SMYD3: variants seen among roughly 807,000 people sequenced by gnomAD.
The protein encoded by SMYD3 is histone-lysine N-methyltransferase SMYD3.
Under a neutral mutation model 57.7 loss-of-function variants are expected in SMYD3, and 36 were observed. That is an observed-to-expected ratio of 0.62 (90% CI 0.48 to 0.82). SMYD3 has a LOEUF of 0.82. Among genes scored for constraint, SMYD3 ranks in the 40% least tolerant of loss-of-function variants. The pLI is 0.00. For missense variants in SMYD3, 515 were observed against 538.8 expected (o/e 0.96, Z 0.44); for synonymous variants, 211 against 195.0 (o/e 1.08, Z -0.68).
chr1:246,106,582 A>G (rs2061126398), intron 5 of SMYD3, among the ~76,000 whole-genome samples: 1 of 152,212 alleles, frequency 6.6e-6, no homozygotes, highest in Admixed American at 6.5e-5. Context: ...ACTTTCTGAA[A>G]TGAGAAGTCC....
At chr1:246,179,654 C>T (rs2062500511) in intron 5 of SMYD3, among the ~76,000 whole-genome samples, 1 of 152,204 alleles carries the variant, frequency 6.6e-6, no homozygotes, top group South Asian at 2.1e-4. Flanking sequence ...AGTGAGGCCA[C>T]TTCTCCTAGA....
intron 1 of SMYD3, among the ~76,000 whole-genome samples, chr1:246,452,256 A>G (rs1463102951): frequency 6.6e-6 from 1 of 152,196 alleles, no homozygotes; most frequent in Admixed American, 6.5e-5. Flanking sequence ...CTGTAATTCT[A>G]GCACTTTGGG....
intron 5 of SMYD3, among the ~76,000 whole-genome samples, chr1:246,074,969 G>A (rs1398170029): frequency 6.7e-6 from 1 of 150,342 alleles, no homozygotes; most frequent in Admixed American, 6.6e-5. Context: ...GAATATAAGA[G>A]AATCCAGAAA....
intron 5 of SMYD3, among the ~76,000 whole-genome samples, chr1:246,304,525 G>GA (rs915904169): frequency 2.0e-5 from 3 of 151,648 alleles, no homozygotes; most frequent in Non-Finnish European, 2.9e-5. Context: ...ACATAAGCAG[G>GA]AAAAAAAATA....
At chr1:246,430,608 A>C (rs2067282473) in intron 1 of SMYD3, among the ~76,000 whole-genome samples, 1 of 152,202 alleles carries the variant, frequency 6.6e-6, no homozygotes, top group South Asian at 2.1e-4. Flanking sequence ...CACTGGGCTT[A>C]CGGGGCTTGT....
intron 5 of SMYD3, among the ~76,000 whole-genome samples, chr1:246,152,162 G>A (rs1342427661): frequency 6.6e-6 from 1 of 152,182 alleles, no homozygotes; most frequent in Non-Finnish European, 1.5e-5. Context: ...AAAGTGCCTG[G>A]GTGACAAAAT....
chr1:245,909,774 G>GA (rs976163325), intron 8 of SMYD3, among the ~76,000 whole-genome samples: 1 of 151,786 alleles, frequency 6.6e-6, no homozygotes, highest in Admixed American at 6.6e-5. Flanking sequence ...CCTTCATGAT[G>GA]AAAAAAATCT....
At chr1:245,907,652 T>A (rs1383934093) in intron 8 of SMYD3, among the ~76,000 whole-genome samples, 3 of 152,120 alleles carry the variant, frequency 2.0e-5, no homozygotes, top group Non-Finnish European at 4.4e-5. Flanking sequence ...GAACAAAGGA[T>A]TTACAAAACA....
At chr1:246,219,481 C>G (rs1477336836) in intron 5 of SMYD3, among the ~76,000 whole-genome samples, 2 of 152,152 alleles carry the variant, frequency 1.3e-5, no homozygotes, top group Non-Finnish European at 2.9e-5. Flanking sequence ...GGCAATAAAA[C>G]TCCCTGCATT....
At chr1:246,273,575 CTTTTTTT>C (rs75025399) in intron 5 of SMYD3, among the ~76,000 whole-genome samples, 6 of 84,386 alleles carry the variant, frequency 7.1e-5, no homozygotes, top group Non-Finnish European at 1.1e-4. Context: ...TTTCACTAAT[CTTTTTTT>C]TTTTTTTTTT....
At chr1:246,129,581 A>G (rs1002025806) in intron 5 of SMYD3, among the ~76,000 whole-genome samples, 2 of 152,214 alleles carry the variant, frequency 1.3e-5, no homozygotes, top group Non-Finnish European at 2.9e-5. Context: ...TATTCAAAGT[A>G]GCCCAAAGGG....
At chr1:246,099,709 C>T (rs2060976353) in intron 5 of SMYD3, among the ~76,000 whole-genome samples, 1 of 152,160 alleles carries the variant, frequency 6.6e-6, no homozygotes, top group African/African-American at 2.4e-5. Flanking sequence ...ATAAGATCTT[C>T]AGACTGAAGC....
chr1:246,202,653 G>T lies in SMYD3; in HGVS notation c.531+124548C>A, dbSNP rs561921002. Among the ~76,000 whole-genome samples the T allele has an allele frequency of 2.6e-5, 4 of 152,296 alleles. No individual in the cohort carries two copies. The South Asian group carries it at 8.3e-4, about 32-fold the overall frequency. On this transcript the variant is annotated intron_variant, in intron 5 of 11. Coordinates refer to ENST00000490107, the MANE Select transcript of SMYD3 (RefSeq NM_001167740.2). The surrounding 1 kb of genome is among the most constrained non-coding windows in gnomAD (Gnocchi z 4.1). Reference sequence around the variant, plus strand: ...TTCCTCCTTGAAAACAACAGTTCTTGACAACAAGGACTTCCTGGTATCACG... The same window carrying T: ...TTCCTCCTTGAAAACAACAGTTCTTTACAACAAGGACTTCCTGGTATCACG...
chr1:246,404,929 A>G (rs575409802), intron 1 of SMYD3, among the ~76,000 whole-genome samples: 3 of 152,248 alleles, frequency 2.0e-5, no homozygotes, highest in East Asian at 1.9e-4. Context: ...TTGACTCATA[A>G]TAATTGTAAA....
chr1:246,108,555 T>C (rs34489362), intron 5 of SMYD3: 24,772 of 152,146 alleles, frequency 0.16, 3,608 homozygotes, highest in African/African-American at 0.39. Context: ...GCCTGCTTCC[T>C]AAAACTTGCC....
At chr1:245,902,325 C>G (rs2054244799) in intron 8 of SMYD3, among the ~76,000 whole-genome samples, 1 of 152,206 alleles carries the variant, frequency 6.6e-6, no homozygotes, top group Non-Finnish European at 1.5e-5. Context: ...CCACTGCCAC[C>G]TACAGCGATG....
In SMYD3 at chr1:246,466,446, G is replaced by C. The variant is rs528698539; in HGVS notation, c.164+40608C>G. 3.3e-5 allele frequency among the ~76,000 whole-genome samples: 5 copies of C among 152,244 alleles called. No individual in the cohort carries two copies. In the South Asian group the frequency reaches 1.0e-3, roughly 32 times the overall value. On this transcript the variant is annotated intron_variant, in intron 1 of 11. Coordinates refer to ENST00000490107, the MANE Select transcript of SMYD3 (RefSeq NM_001167740.2). ...CAGGAAAAGAAAACCAAATACTGCA[G>C]GTTCTTGCTTAAAGGGGGAGCTAAA...
At chr1:246,146,635 C>T (rs1362777465) in intron 5 of SMYD3, among the ~76,000 whole-genome samples, 2 of 150,482 alleles carry the variant, frequency 1.3e-5, no homozygotes, top group African/African-American at 5.0e-5. Context: ...ACAGAATAAA[C>T]TAGAAGTGAA....
chr1:246,320,642 A>ATTT, intron 5 of SMYD3, among the ~76,000 whole-genome samples: 1 of 152,212 alleles, frequency 6.6e-6, no homozygotes, highest in Non-Finnish European at 1.5e-5. Context: ...CCACATTTCT[A>ATTT]ATCAGGCTGC....
Sources: allele counts gnomAD v4.1 joint callset (sites outside exome capture counted in the v4.1 genomes callset), GRCh38; gene constraint gnomAD v4.1.1; non-coding constraint Gnocchi (gnomAD v3.1); transcripts MANE v1.5; gene names NCBI Gene and HGNC (gene_info 2026-07-23, HGNC 2026-07-21).